USP34: variants seen among roughly 807,000 people sequenced by gnomAD.
USP34 encodes ubiquitin carboxyl-terminal hydrolase 34.
In USP34, 70 loss-of-function variants were observed where a neutral mutation model predicts 460.3. The ratio of observed to expected loss-of-function variants is 0.15; its 90% confidence interval spans 0.13 to 0.19. The LOEUF (loss-of-function observed/expected upper bound fraction) is 0.19, where lower values mean the gene tolerates loss of function less well. Ranked by LOEUF, USP34 falls within the 10% of genes least tolerant of loss-of-function variation. USP34 has a pLI of 1.00. For missense variants in USP34, 3,985 were observed against 4,236.2 expected, an observed-to-expected ratio of 0.94 and a Z score of 1.65; for synonymous variants, 1,647 against 1,405.3, an observed-to-expected ratio of 1.17 and a Z score of -3.85.
At chr2:61,418,898 T>G (rs890631961) in intron 2 of USP34, among the ~76,000 whole-genome samples, 9 of 152,352 alleles carry the variant, frequency 5.9e-5, no homozygotes, top group South Asian at 2.1e-4. Flanking sequence ...TTCAATGTTC[T>G]CCAGCTTAGC....
intron 14 of USP34, 125 bp downstream of exon 14, chr2:61,348,631 T>C: frequency 6.9e-7 from 1 of 1,440,006 alleles, no homozygotes. Context: ...TCAAAGGATG[T>C]CAAAAATATT....
chr2:61,216,808 C>T (rs1218091128), intron 67 of USP34, among the ~76,000 whole-genome samples: 1 of 151,802 alleles, frequency 6.6e-6, no homozygotes, highest in Admixed American at 6.6e-5. Context: ...ATCCCAGCTA[C>T]TCAGGAGGCT....
Position 61,405,762 on chromosome 2 carries a change from T to C in USP34, c.498A>G (p.Gln166=), listed in dbSNP as rs768809185. The C allele has an allele frequency of 6.2e-7, 1 of 1,601,028 alleles. No homozygotes were observed. Among genetic ancestry groups the C allele is most frequent in the Admixed American group, 1.8e-5 (1 of 56,844 alleles). Residue 166 remains glutamine (Q), a synonymous_variant, in exon 3 of 80, where the codon CAA becomes CAG. Coordinates refer to ENST00000398571, the MANE Select transcript of USP34 (RefSeq NM_014709.4). The part of the protein sequence containing the change: ...KLLLCVAKIF[Q]IQFPLYTAYK... ...AAGCAGTATATAAGGGAAACTGAATTTGAAAAATTTTTGCCACACATAGTA... is the reference window on the plus strand; with the variant it reads ...AAGCAGTATATAAGGGAAACTGAATCTGAAAAATTTTTGCCACACATAGTA...
chr2:61,288,655 A>C (rs1331893158), intron 34 of USP34, 22 bp downstream of exon 34: 1 of 1,605,672 alleles, frequency 6.2e-7, no homozygotes, highest in South Asian at 1.1e-5. Context: ...TTCATCATTA[A>C]ACATTAATTT....
intron 1 of USP34, among the ~76,000 whole-genome samples, chr2:61,435,039 C>T (rs1260283263): frequency 6.6e-6 from 1 of 152,046 alleles, no homozygotes; most frequent in Non-Finnish European, 1.5e-5. Flanking sequence ...CACAGCACCT[C>T]ACACCTATAA....
At chr2:61,230,892 C>A (rs545436750) in intron 58 of USP34, among the ~76,000 whole-genome samples, 1 of 150,548 alleles carries the variant, frequency 6.6e-6, no homozygotes, top group Admixed American at 6.6e-5. Flanking sequence ...TTTACCAGTT[C>A]TAAAAACATA....
chr2:61,239,299 G>GTCAC (rs199638788), intron 53 of USP34, among the ~76,000 whole-genome samples: 10,175 of 68,986 alleles, frequency 0.15, 442 homozygotes, highest in Admixed American at 0.22. Flanking sequence ...TGAGGGCCCT[G>GTCAC]TCACACACAC....
intron 5 of USP34, 137 bp from the exon 6 acceptor site, chr2:61,383,473 G>A (rs761644202): frequency 1.9e-6 from 1 of 513,978 alleles, no homozygotes; most frequent in Non-Finnish European, 3.4e-6. Context: ...GGGAGGCTGA[G>A]GTGGGCAGAT....
chr2:61,271,667 AAAAG>A (rs1296106701), intron 41 of USP34, among the ~76,000 whole-genome samples: 5 of 152,182 alleles, frequency 3.3e-5, no homozygotes, highest in Admixed American at 6.5e-5. Context: ...CTGGAAAGGT[AAAAG>A]AAAGAAGAAA....
chr2:61,237,212 T>G (rs182499019), intron 53 of USP34, among the ~76,000 whole-genome samples: 1 of 152,306 alleles, frequency 6.6e-6, no homozygotes, highest in Admixed American at 6.5e-5. Context: ...AACTTTCTAT[T>G]AAGCTGTAGC....
chr2:61,214,658 T>C lies in USP34; in HGVS notation c.8084A>G (p.Asn2695Ser), dbSNP rs944526301. Residue 2695 changes from asparagine to serine, a missense_variant, in exon 68 of 80, where the codon AAT (asparagine) becomes AGT (serine). Asn to Ser is a conservative substitution (Grantham distance 46). Coordinates refer to ENST00000398571, the MANE Select transcript of USP34 (RefSeq NM_014709.4). ...AYLLVSLIPS[N>S]SFRQMFRSTR... The stretch of plus-strand genomic sequence containing the variant: ...TGACCGGAACATCTGACGGAATGAA[T>C]TGCTTGGTATAAGGGACACCAGAAG... 9 of 1,614,040 alleles carry C rather than the reference T, an allele frequency of 5.6e-6. No homozygotes were observed. The highest frequency in any genetic ancestry group is 4.0e-5 in the African/African-American group (3 of 74,894).
At chr2:61,306,596 G>A (rs1002659802) in intron 27 of USP34, among the ~76,000 whole-genome samples, 4 of 152,136 alleles carry the variant, frequency 2.6e-5, no homozygotes, top group African/African-American at 9.7e-5. Context: ...GTCCAATTCT[G>A]TGAAGAAAGT....
At chr2:61,398,845 AAAGT>A (rs1023078030) in intron 3 of USP34, among the ~76,000 whole-genome samples, 16 of 152,210 alleles carry the variant, frequency 1.1e-4, no homozygotes, top group Non-Finnish European at 2.1e-4. Flanking sequence ...ATGAAGTCTC[AAAGT>A]AAGTGTTAAA....
intron 18 of USP34, among the ~76,000 whole-genome samples, chr2:61,336,374 T>C (rs1245094749): frequency 1.3e-5 from 2 of 151,998 alleles, no homozygotes; most frequent in African/African-American, 4.8e-5. Flanking sequence ...AGATGCCCCA[T>C]CTCACCCTCT....
intron 2 of USP34, among the ~76,000 whole-genome samples, chr2:61,417,913 G>A (rs1694245114): frequency 6.7e-6 from 1 of 149,818 alleles, no homozygotes; most frequent in Non-Finnish European, 1.5e-5. Context: ...GCTAATTTTT[G>A]TATTTTTAGT....
intron 20 of USP34, among the ~76,000 whole-genome samples, chr2:61,327,364 G>T (rs1017241455): frequency 6.6e-6 from 1 of 152,146 alleles, no homozygotes; most frequent in Non-Finnish European, 1.5e-5. Context: ...AATCTGATAA[G>T]CAACTCTCAG....
chr2:61,263,132 C>A (rs1688944212), intron 43 of USP34, among the ~76,000 whole-genome samples: 2 of 151,174 alleles, frequency 1.3e-5, no homozygotes, highest in Admixed American at 1.3e-4. Context: ...GCCCAGCGTC[C>A]CGAGTAGCTG....
At chr2:61,282,020 T>C (rs1010857750) in intron 37 of USP34, among the ~76,000 whole-genome samples, 1 of 152,188 alleles carries the variant, frequency 6.6e-6, no homozygotes, top group African/African-American at 2.4e-5. Context: ...GACAGAGTCT[T>C]GCTCTGTCTT....
chr2:61,384,367 G>A (rs1042371363), intron 5 of USP34, among the ~76,000 whole-genome samples: 9 of 152,010 alleles, frequency 5.9e-5, no homozygotes, highest in African/African-American at 1.9e-4. Flanking sequence ...ACACAGGCAG[G>A]AGATACAAAT....
Sources: gnomAD v4.1 joint callset for allele counts (sites outside exome capture counted in the v4.1 genomes callset) on GRCh38, gnomAD v4.1.1 for gene constraint, MANE v1.5 for transcripts, NCBI Gene and HGNC (gene_info 2026-07-23, HGNC 2026-07-21) for gene names.